Variants in SLC36A1 observed in about 807,000 individuals in gnomAD.
SLC36A1 encodes the protein proton-coupled amino acid transporter 1.
In SLC36A1, 30 loss-of-function variants were observed where a neutral mutation model predicts 47.5. The observed-to-expected ratio is 0.63, with a 90% CI of 0.47 to 0.86. The LOEUF is 0.86. Ranked by LOEUF, SLC36A1 falls within the 40% of genes least tolerant of loss-of-function variation. The pLI is 0.00. For missense variants in SLC36A1, 517 were observed against 606.0 expected (o/e 0.85, Z 1.54); for synonymous variants, 255 against 249.7 (o/e 1.02, Z -0.20).
At chr5:151,416,742 G>T in the SLC36A1 span, among the ~76,000 whole-genome samples, 1 of 152,190 alleles carries the variant, frequency 6.6e-6, no homozygotes, top group Non-Finnish European at 1.5e-5. Context: ...GATAATCCAG[G>T]ATGATCAGGT....
the SLC36A1 span, among the ~76,000 whole-genome samples, chr5:151,499,852 T>G: frequency 6.6e-6 from 1 of 152,124 alleles, no homozygotes; most frequent in Non-Finnish European, 1.5e-5. Context: ...CCTTCTCCAA[T>G]AGCAAGGCCT....
At chr5:151,512,280 C>G in the SLC36A1 span, 1 of 1,614,248 alleles carries the variant, frequency 6.2e-7, no homozygotes, top group South Asian at 1.1e-5. The surrounding 1 kb of genome is among the most constrained non-coding windows in gnomAD (Gnocchi z 4.1). Flanking sequence ...CTGCCACCGT[C>G]TTGCCAGGGG....
chr5:151,377,116 A>G, the SLC36A1 span, among the ~76,000 whole-genome samples: 6 of 152,090 alleles, frequency 3.9e-5, no homozygotes, highest in Admixed American at 2.0e-4. Flanking sequence ...ATTTATTGAG[A>G]CTGATTTGTG....
intron 5 of SLC36A1, 39 bp downstream of exon 5, chr5:151,465,208 A>C (rs201933618): frequency 6.7e-7 from 1 of 1,502,654 alleles, no homozygotes; most frequent in African/African-American, 1.4e-5. Context: ...GTGGCCTCCC[A>C]GTGTGAGGCC....
chr5:151,544,482 C>G, the SLC36A1 span: 2 of 1,614,132 alleles, frequency 1.2e-6, no homozygotes, highest in Non-Finnish European at 1.7e-6. Context: ...CAGTGGTGAA[C>G]AGCATCAAGG....
In SLC36A1 at chr5:151,492,340, C is replaced by T. The variant is rs1466143937; in HGVS notation, c.*4086C>T. ...GTTTGCACATGGATCGTATGTTAAG[C>T]TTTTTCTTTTCAATAAATGAATTTT... On this transcript the variant is annotated 3_prime_UTR_variant, in exon 11 of 11. Transcript: ENST00000243389. 1 of 151,136 alleles carries T rather than the reference C, an allele frequency of 6.6e-6. No individual in the cohort carries two copies. The highest frequency in any genetic ancestry group is 1.5e-5 in the Non-Finnish European group (1 of 67,884). The allele number at this position is 151,136 out of a possible 1,614,324, so 9.4% of individuals were successfully genotyped here.
chr5:151,378,762 T>A, the SLC36A1 span: 2 of 153,014 alleles, frequency 1.3e-5, no homozygotes, highest in Non-Finnish European at 2.9e-5. Flanking sequence ...TTGGAGGAGT[T>A]GAGGAAAAGG....
At chr5:151,450,509 C>T (rs1440150936) in intron 1 of SLC36A1, among the ~76,000 whole-genome samples, 1 of 136,124 alleles carries the variant, frequency 7.3e-6, no homozygotes, top group Non-Finnish European at 1.6e-5. Flanking sequence ...CTGGTGTCCA[C>T]TTAACTAGCA....
the SLC36A1 span, among the ~76,000 whole-genome samples, chr5:151,407,084 T>C: frequency 1.3e-5 from 2 of 152,010 alleles, no homozygotes; most frequent in Non-Finnish European, 2.9e-5. Flanking sequence ...ACTTCAGGAG[T>C]GAAGCTGCAG....
upstream of SLC36A1, among the ~76,000 whole-genome samples, chr5:151,434,578 A>G: frequency 6.6e-6 from 1 of 152,174 alleles, no homozygotes; most frequent in Non-Finnish European, 1.5e-5. Context: ...GAGGGAAAAT[A>G]GAGAATAGAA....
chr5:151,399,065 A>AATATATATATAT, the SLC36A1 span, among the ~76,000 whole-genome samples: 355 of 66,528 alleles, frequency 5.3e-3, 6 homozygotes, highest in Middle Eastern at 8.5e-3. Flanking sequence ...TGTGTGTGTA[A>AATATATATATAT]ATATATATAT....
chr5:151,454,710 C>CTTTTTT lies in SLC36A1; in HGVS notation c.-5-4063_-5-4058dup, dbSNP rs34814099. ...ATAACAAGTCTAATCCATGTGACAG[C>CTTTTTT]TTTTTTTTTTTTTTTTTTTTGAGAC... On this transcript the variant is annotated intron_variant, in intron 1 of 10. Coordinates refer to ENST00000243389, the MANE Select transcript of SLC36A1 (RefSeq NM_078483.4). Among the ~76,000 whole-genome samples the CTTTTTT allele has an allele frequency of 5.2e-4, 56 of 107,920 alleles. 1 individual carries two copies. Among genetic ancestry groups the CTTTTTT allele is most frequent in the African/African-American group, 1.6e-3 (43 of 27,582 alleles). 70.8% of individuals were successfully genotyped at this position (107,920 alleles called of 152,430 possible). A position where few individuals can be genotyped will look rare whatever the true frequency, so the allele number is the denominator to read the frequency against.
the SLC36A1 span, among the ~76,000 whole-genome samples, chr5:151,399,281 T>C: frequency 6.6e-6 from 1 of 151,664 alleles, no homozygotes; most frequent in Non-Finnish European, 1.5e-5. Flanking sequence ...GAGACAGGGT[T>C]TCACCACGTT....
chr5:151,540,301 A>ATCAC, the SLC36A1 span, among the ~76,000 whole-genome samples: 2 of 152,022 alleles, frequency 1.3e-5, no homozygotes, highest in Admixed American at 6.5e-5. Context: ...AAGAGAGGTG[A>ATCAC]GGTCAGTGAT....
the SLC36A1 span, among the ~76,000 whole-genome samples, chr5:151,379,524 G>A: frequency 5.9e-5 from 9 of 152,174 alleles, no homozygotes; most frequent in African/African-American, 2.2e-4. Flanking sequence ...GTAGAGATGG[G>A]GTTTTGCCAT....
At chr5:151,503,898 A>C in the SLC36A1 span, among the ~76,000 whole-genome samples, 1,743 of 152,036 alleles carry the variant, frequency 0.011, 24 homozygotes, top group African/African-American at 0.04. Context: ...GGTTTTTTCC[A>C]AATAGTTTCC....
chr5:151,352,742 A>G, the SLC36A1 span, among the ~76,000 whole-genome samples: 2 of 151,820 alleles, frequency 1.3e-5, no homozygotes, highest in African/African-American at 4.8e-5. Context: ...TCTCTCTCTG[A>G]CTCTGCTTCT....
chr5:151,365,792 A>G, the SLC36A1 span, among the ~76,000 whole-genome samples: 1 of 152,208 alleles, frequency 6.6e-6, no homozygotes, highest in Non-Finnish European at 1.5e-5. Flanking sequence ...AGAAGACATC[A>G]TCTACCTTAC....
the SLC36A1 span, chr5:151,554,649 G>A: frequency 6.2e-7 from 1 of 1,613,744 alleles, no homozygotes. Context: ...TTCAGTGAGG[G>A]TTCCCCATTG....
Sources: allele counts gnomAD v4.1 joint callset (sites outside exome capture counted in the v4.1 genomes callset), GRCh38; gene constraint gnomAD v4.1.1; non-coding constraint Gnocchi (gnomAD v3.1); transcripts MANE v1.5; gene names NCBI Gene and HGNC (gene_info 2026-07-23, HGNC 2026-07-21).